The following MACROD2 variants were observed in gnomAD, a reference collection of about 807,000 sequenced individuals.
MACROD2 encodes the protein mono-ADP ribosylhydrolase 2, also known as ADP-ribose glycohydrolase MACROD2.
MACROD2 carries 36 observed loss-of-function variants against 70.4 expected under a neutral mutation model. The observed-to-expected ratio is 0.51, with a 90% CI of 0.39 to 0.68. MACROD2 has a LOEUF of 0.68. MACROD2 is among the 30% of genes least tolerant of loss of function. MACROD2 has a pLI of 0.00. For missense variants in MACROD2, 496 were observed against 538.4 expected (o/e 0.92, Z 0.78); for synonymous variants, 172 against 178.8 (o/e 0.96, Z 0.30).
At chr20:14,087,999 A>G (rs1010082217) in intron 3 of MACROD2, among the ~76,000 whole-genome samples, 1 of 152,112 alleles carries the variant, frequency 6.6e-6, no homozygotes, top group Non-Finnish European at 1.5e-5. Context: ...ATATACACAC[A>G]TATGTATATG....
intron 3 of MACROD2, among the ~76,000 whole-genome samples, chr20:14,273,778 A>T (rs2082222339): frequency 6.6e-6 from 1 of 152,198 alleles, no homozygotes; most frequent in Non-Finnish European, 1.5e-5. Context: ...AGAGAGAAGA[A>T]TCAAATAGAT....
At chr20:14,905,675 G>A (rs920997357) in intron 5 of MACROD2, 1 of 152,090 alleles carries the variant, frequency 6.6e-6, no homozygotes, top group Non-Finnish European at 1.5e-5. Context: ...ATTCTCATTG[G>A]TGTAACCTCT....
At chr20:14,759,647 C>T (rs1303665764) in intron 5 of MACROD2, among the ~76,000 whole-genome samples, 1 of 151,994 alleles carries the variant, frequency 6.6e-6, no homozygotes, top group East Asian at 1.9e-4. Context: ...TATTATTTTA[C>T]ATCTTAAAAT....
Position 14,853,062 on chromosome 20 carries a change from C to G in MACROD2, c.418+168103C>G, listed in dbSNP as rs139345782. 1.2e-3 allele frequency among the ~76,000 whole-genome samples: 187 copies of G among 152,136 alleles called. 1 individual carries two copies. Among genetic ancestry groups the G allele is most frequent in the African/African-American group, 4.0e-3 (165 of 41,504 alleles). On this transcript the variant is annotated intron_variant, in intron 5 of 17. Transcript: ENST00000684519. ...AAGGACTTACATATCACGCTTGGCACTCAGATCTTACTCTGTAGATAATGG... is the reference window on the plus strand; with the variant it reads ...AAGGACTTACATATCACGCTTGGCAGTCAGATCTTACTCTGTAGATAATGG...
chr20:14,647,059 T>G (rs554931498), intron 4 of MACROD2, among the ~76,000 whole-genome samples: 1 of 152,298 alleles, frequency 6.6e-6, no homozygotes, highest in South Asian at 2.1e-4. Flanking sequence ...TGTGGGATCT[T>G]AATAAAGTAA....
At chr20:15,438,003 AC>A (rs762593359) in intron 7 of MACROD2, among the ~76,000 whole-genome samples, 1 of 152,050 alleles carries the variant, frequency 6.6e-6, no homozygotes, top group Non-Finnish European at 1.5e-5. Flanking sequence ...TTATATTCCA[AC>A]AAAAATTAGC....
intron 3 of MACROD2, chr20:14,223,089 T>C (rs2327820): frequency 0.97 from 147,683 of 152,382 alleles, 71,583 homozygotes; most frequent in Admixed American, 0.99. Context: ...GAGACTGAGG[T>C]AGGAAGATCA....
chr20:14,347,117 G>C (rs1271399320), intron 3 of MACROD2, among the ~76,000 whole-genome samples: 22 of 152,200 alleles, frequency 1.4e-4, no homozygotes, highest in Admixed American at 6.5e-4. Context: ...AAAGCAGCTA[G>C]AGGAAAAGTT....
At chr20:15,413,233 C>T (rs567126825) in intron 6 of MACROD2, among the ~76,000 whole-genome samples, 116 of 151,054 alleles carry the variant, frequency 7.7e-4, no homozygotes, top group African/African-American at 2.0e-3. Context: ...TTTTTTTTGA[C>T]GGGGCAAGTT....
intron 15 of MACROD2, among the ~76,000 whole-genome samples, chr20:16,002,946 C>T (rs374512696): frequency 6.6e-6 from 1 of 151,998 alleles, no homozygotes; most frequent in Admixed American, 6.6e-5. Flanking sequence ...AACAGAGTAC[C>T]CTCCTTCTGA....
intron 8 of MACROD2, among the ~76,000 whole-genome samples, chr20:15,724,877 T>C (rs1555871272): frequency 6.6e-6 from 1 of 151,928 alleles, no homozygotes; most frequent in Non-Finnish European, 1.5e-5. Context: ...GGTCAGGAGA[T>C]TGAGACCATC....
chr20:14,272,305 A>G (rs1341809189), intron 3 of MACROD2, among the ~76,000 whole-genome samples: 1 of 152,188 alleles, frequency 6.6e-6, no homozygotes, highest in Admixed American at 6.5e-5. Flanking sequence ...CTCGGCAGAA[A>G]CTCTACAAGC....
intron 8 of MACROD2, among the ~76,000 whole-genome samples, chr20:15,837,353 A>T (rs972453146): frequency 6.6e-6 from 1 of 152,006 alleles, no homozygotes; most frequent in Non-Finnish European, 1.5e-5. Flanking sequence ...ATTGAATGGG[A>T]CCCCTTTTCT....
At chr20:15,652,109 C>T (rs1357531372) in intron 8 of MACROD2, among the ~76,000 whole-genome samples, 4 of 152,084 alleles carry the variant, frequency 2.6e-5, no homozygotes, top group African/African-American at 9.7e-5. Context: ...TGTTCTGATT[C>T]CTAGACACTG....
intron 5 of MACROD2, among the ~76,000 whole-genome samples, chr20:14,920,384 A>G (rs560918644): frequency 2.9e-4 from 44 of 152,300 alleles, no homozygotes; most frequent in African/African-American, 1.0e-3. Flanking sequence ...ATCTGATCTT[A>G]TCTAATGTTT....
chr20:15,656,317 T>A (rs1292015776), intron 8 of MACROD2, among the ~76,000 whole-genome samples: 1 of 152,174 alleles, frequency 6.6e-6, no homozygotes, highest in East Asian at 1.9e-4. Flanking sequence ...AGTCTTAAAT[T>A]CCTTTAGCTA....
chr20:14,577,924 A>T (rs575469242), intron 4 of MACROD2, among the ~76,000 whole-genome samples: 2 of 152,090 alleles, frequency 1.3e-5, no homozygotes, highest in African/African-American at 2.4e-5. Flanking sequence ...ATGGATATCA[A>T]TTCCCTCAAT....
intron 3 of MACROD2, among the ~76,000 whole-genome samples, chr20:14,151,739 T>A (rs949132238): frequency 6.6e-6 from 1 of 151,654 alleles, no homozygotes; most frequent in African/African-American, 2.4e-5. Context: ...ATAAAAAAAT[T>A]AACTATTTTG....
chr20:15,587,951 C>T (rs899575560), intron 8 of MACROD2, among the ~76,000 whole-genome samples: 1 of 152,180 alleles, frequency 6.6e-6, no homozygotes, highest in Non-Finnish European at 1.5e-5. Flanking sequence ...TGTCAAAGCC[C>T]CACTAGGCAA....
Sources: allele counts gnomAD v4.1 joint callset (sites outside exome capture counted in the v4.1 genomes callset), GRCh38; gene constraint gnomAD v4.1.1; transcripts MANE v1.5; gene names NCBI Gene and HGNC (gene_info 2026-07-23, HGNC 2026-07-21).